The following ADAMTSL1 variants were observed in gnomAD, a reference collection of about 807,000 sequenced individuals.
The protein encoded by ADAMTSL1 is ADAMTS-like protein 1.
In ADAMTSL1, 126 loss-of-function variants were observed where a neutral mutation model predicts 201.8. That is an observed-to-expected ratio of 0.62 (90% CI 0.54 to 0.72). The LOEUF (loss-of-function observed/expected upper bound fraction) is 0.72. Ranked by LOEUF, ADAMTSL1 falls within the 30% of genes least tolerant of loss-of-function variation. The probability of loss-of-function intolerance (pLI) is 0.00; values close to 1 mark genes in which losing one functional copy is unlikely to be tolerated. For synonymous variants in ADAMTSL1, 1,121 were observed against 903.4 expected, an observed-to-expected ratio of 1.24 and a Z score of -4.32; for missense variants, 2,679 against 2,277.8, an observed-to-expected ratio of 1.18 and a Z score of -3.59.
rs1413678028 is a variant in ADAMTSL1, at chr9:18,694,095, C to T, written c.1574+9295C>T. 2.0e-5 allele frequency among the ~76,000 whole-genome samples: 3 copies of T among 152,202 alleles called. No homozygotes were observed. The East Asian group carries it at 5.8e-4, about 29-fold the overall frequency. ...AGAGGGCAAAGGAGGAAGTGCTACA[C>T]AATTTTAAACAACCAGATCTCGTGA... On this transcript the variant is annotated intron_variant, in intron 13 of 28. Transcript: ENST00000380548.
intron 1 of ADAMTSL1, among the ~76,000 whole-genome samples, chr9:17,949,892 C>T (rs955856508): frequency 2.0e-5 from 3 of 152,000 alleles, no homozygotes; most frequent in Admixed American, 1.3e-4. Context: ...AAGCAGGCTC[C>T]ACCTCAAATT....
intron 1 of ADAMTSL1, among the ~76,000 whole-genome samples, chr9:18,048,543 C>A (rs1448778204): frequency 6.6e-6 from 1 of 151,998 alleles, no homozygotes; most frequent in Non-Finnish European, 1.5e-5. Flanking sequence ...GTAAATGTAA[C>A]ATGGGAGATG....
At chr9:18,071,549 G>A (rs1822968941) in intron 1 of ADAMTSL1, among the ~76,000 whole-genome samples, 2 of 152,210 alleles carry the variant, frequency 1.3e-5, no homozygotes, top group Non-Finnish European at 2.9e-5. Context: ...AACAATGCTA[G>A]GAATGCTAAT....
intron 2 of ADAMTSL1, among the ~76,000 whole-genome samples, chr9:18,341,703 C>T (rs1354959813): frequency 1.3e-5 from 2 of 152,080 alleles, no homozygotes; most frequent in Non-Finnish European, 2.9e-5. Context: ...TAAAACTTGT[C>T]ATCTATCACC....
intron 20 of ADAMTSL1, among the ~76,000 whole-genome samples, chr9:18,808,017 C>T: frequency 6.6e-6 from 1 of 152,130 alleles, no homozygotes; most frequent in East Asian, 1.9e-4. Flanking sequence ...CTAAAGTAGG[C>T]TTATGTTGAT....
intron 10 of ADAMTSL1, among the ~76,000 whole-genome samples, chr9:18,678,448 C>T (rs184519048): frequency 3.0e-4 from 46 of 152,136 alleles, no homozygotes; most frequent in Middle Eastern, 3.4e-3. Context: ...TAATTTTCTA[C>T]GCATAGAACT....
intron 23 of ADAMTSL1, among the ~76,000 whole-genome samples, chr9:18,849,366 T>C (rs1826338635): frequency 6.6e-6 from 1 of 152,158 alleles, no homozygotes; most frequent in Non-Finnish European, 1.5e-5. Flanking sequence ...ATCGGGCACT[T>C]CCTGGATCCA....
chr9:18,250,325 C>T (rs1400927446), intron 2 of ADAMTSL1, among the ~76,000 whole-genome samples: 1 of 152,150 alleles, frequency 6.6e-6, no homozygotes, highest in Non-Finnish European at 1.5e-5. Flanking sequence ...AATCCAGTAA[C>T]AAGATGTGTA....
chr9:18,711,424 C>A (rs536331927), intron 14 of ADAMTSL1, among the ~76,000 whole-genome samples: 9 of 152,360 alleles, frequency 5.9e-5, no homozygotes, highest in Admixed American at 5.2e-4. Flanking sequence ...CGAGGCATTG[C>A]CTCACTCGGG....
intron 2 of ADAMTSL1, among the ~76,000 whole-genome samples, chr9:18,272,372 A>C (rs1832408545): frequency 6.6e-6 from 1 of 152,232 alleles, no homozygotes. Flanking sequence ...TTCCCTATTC[A>C]ACAAATGGTG....
At chr9:18,630,921 G>A (rs1826726042) in intron 5 of ADAMTSL1, among the ~76,000 whole-genome samples, 1 of 152,066 alleles carries the variant, frequency 6.6e-6, no homozygotes, top group African/African-American at 2.4e-5. Flanking sequence ...GTTCCTAGAG[G>A]TTGAATGTGT....
intron 2 of ADAMTSL1, among the ~76,000 whole-genome samples, chr9:18,194,774 C>T (rs1021824912): frequency 2.6e-5 from 4 of 152,144 alleles, no homozygotes; most frequent in African/African-American, 9.6e-5. Flanking sequence ...CTTCTTTTTC[C>T]TCCTCCTTCC....
At chr9:18,897,544 C>G (rs1047300913) in intron 26 of ADAMTSL1, among the ~76,000 whole-genome samples, 10 of 152,240 alleles carry the variant, frequency 6.6e-5, no homozygotes, top group Non-Finnish European at 1.2e-4. Flanking sequence ...GTTTTGCAGA[C>G]TTCACTGGTG....
chr9:18,690,730 T>C (rs1831159686), intron 13 of ADAMTSL1, among the ~76,000 whole-genome samples: 1 of 152,206 alleles, frequency 6.6e-6, no homozygotes, highest in South Asian at 2.1e-4. Flanking sequence ...CCAGACAGCA[T>C]CAACCCTTCC....
At chr9:18,213,949 C>T (rs905220878) in intron 2 of ADAMTSL1, among the ~76,000 whole-genome samples, 10 of 152,244 alleles carry the variant, frequency 6.6e-5, no homozygotes, top group South Asian at 6.3e-4. Flanking sequence ...GTTGGCCAGG[C>T]TGGTCTCGAA....
intron 23 of ADAMTSL1, among the ~76,000 whole-genome samples, chr9:18,841,557 G>C (rs1172133243): frequency 3.3e-5 from 5 of 152,190 alleles, no homozygotes; most frequent in Non-Finnish European, 7.3e-5. Context: ...CTCATAAAAT[G>C]AGTTAGGGAG....
chr9:18,085,407 G>A (rs1823704106), intron 1 of ADAMTSL1, among the ~76,000 whole-genome samples: 1 of 149,576 alleles, frequency 6.7e-6, no homozygotes. Flanking sequence ...AAAGCACTTT[G>A]GACAGTGCCT....
chr9:18,703,932 A>G (rs1832081696), intron 13 of ADAMTSL1, among the ~76,000 whole-genome samples: 1 of 151,646 alleles, frequency 6.6e-6, no homozygotes, highest in Non-Finnish European at 1.5e-5. Flanking sequence ...TATATTCTAG[A>G]TCTTATCTGG....
At chr9:18,042,813 A>T (rs1821484895) in intron 1 of ADAMTSL1, among the ~76,000 whole-genome samples, 1 of 152,190 alleles carries the variant, frequency 6.6e-6, no homozygotes, top group African/African-American at 2.4e-5. Flanking sequence ...CTCCATTTAA[A>T]TCATGACTGA....
Sources: gnomAD v4.1 joint callset for allele counts (sites outside exome capture counted in the v4.1 genomes callset) on GRCh38, gnomAD v4.1.1 for gene constraint, MANE v1.5 for transcripts, NCBI Gene and HGNC (gene_info 2026-07-23, HGNC 2026-07-21) for gene names.